The following CLASP1 variants were observed in gnomAD, a reference collection of about 807,000 sequenced individuals.
CLASP1 encodes the protein CLIP-associating protein 1.
In CLASP1, 38 loss-of-function variants were observed where a neutral mutation model predicts 192.3. That is an observed-to-expected ratio of 0.20 (90% CI 0.15 to 0.26). The LOEUF (loss-of-function observed/expected upper bound fraction) is 0.26. Ranked by LOEUF, CLASP1 falls within the 10% of genes least tolerant of loss-of-function variation. CLASP1 has a pLI of 1.00. For synonymous variants in CLASP1, 691 were observed against 712.8 expected, an observed-to-expected ratio of 0.97 and a Z score of 0.49; for missense variants, 1,433 against 1,932.5, an observed-to-expected ratio of 0.74 and a Z score of 4.85.
At chr2:121,410,626 C>T (rs936637180) in intron 24 of CLASP1, among the ~76,000 whole-genome samples, 1 of 152,098 alleles carries the variant, frequency 6.6e-6, no homozygotes, top group African/African-American at 2.4e-5. Flanking sequence ...CTGAAGAGCA[C>T]AGATAAGAAA....
At chr2:121,404,245 A>C (rs2149476011) in intron 26 of CLASP1, 126 bp downstream of exon 27, 1 of 1,453,778 alleles carries the variant, frequency 6.9e-7, no homozygotes, top group South Asian at 1.5e-5. Context: ...TAGTGCTGAA[A>C]CCGGTGTGAC....
Position 121,528,009 on chromosome 2 carries a change from C to T in CLASP1, c.379-119G>A, listed in dbSNP as rs2094621095. 8 of 670,396 alleles carry T rather than the reference C, an allele frequency of 1.2e-5. No homozygotes were observed. In the East Asian group the frequency reaches 1.9e-4, roughly 16 times the overall value. The allele number at this position is 670,396 out of a possible 1,614,324, so 41.5% of individuals were successfully genotyped here. ...CCAAATTAGTCCCATCCTCTACCAA[C>T]ACATTTAATCCTCTCGAGAGCATAC... On this transcript the variant is annotated intron_variant, in intron 4 of 39. Coordinates refer to ENST00000263710, the Ensembl canonical transcript of CLASP1.
At chr2:121,565,814 A>G (rs937784707) in intron 2 of CLASP1, among the ~76,000 whole-genome samples, 9 of 152,216 alleles carry the variant, frequency 5.9e-5, no homozygotes, top group Non-Finnish European at 1.0e-4. Flanking sequence ...CAGAACACAC[A>G]TTAAGAGCAG....
intron 6 of CLASP1, among the ~76,000 whole-genome samples, chr2:121,519,263 A>C (rs1196693815): frequency 1.3e-5 from 2 of 152,202 alleles, no homozygotes; most frequent in Non-Finnish European, 2.9e-5. Flanking sequence ...CATTCAACAA[A>C]TATTTGAGTG....
chr2:121,609,200 G>C (rs924987389), intron 1 of CLASP1, among the ~76,000 whole-genome samples: 1 of 152,140 alleles, frequency 6.6e-6, no homozygotes, highest in African/African-American at 2.4e-5. Context: ...TAAACACTAG[G>C]AAAGTTCCCA....
In CLASP1 at chr2:121,594,299, C is replaced by CAAA. The variant is rs370618050; in HGVS notation, c.195+11399_195+11401dup. 9.2e-4 allele frequency among the ~76,000 whole-genome samples: 122 copies of CAAA among 132,866 alleles called. 1 individual carries two copies. Among genetic ancestry groups the CAAA allele is most frequent in the African/African-American group, 2.9e-3 (107 of 37,226 alleles). The allele number at this position is 132,866 out of a possible 152,430, so 87.2% of individuals were successfully genotyped here. A position where few individuals can be genotyped will look rare whatever the true frequency, so the allele number is the denominator to read the frequency against. On this transcript the variant is annotated intron_variant, in intron 2 of 39. Coordinates refer to ENST00000263710, the Ensembl canonical transcript of CLASP1. The stretch of plus-strand genomic sequence containing the variant: ...TGGGCGACAGAGGGAGACTCCGTCT[C>CAAA]AAAAAAAAAAAAATTTTCTTGTTGC...
At chr2:121,427,989 T>C (rs1011875555) in intron 20 of CLASP1, among the ~76,000 whole-genome samples, 7 of 152,222 alleles carry the variant, frequency 4.6e-5, no homozygotes, top group African/African-American at 1.7e-4. Flanking sequence ...TAAAATAATT[T>C]TTTAAATATT....
intron 9 of CLASP1, among the ~76,000 whole-genome samples, chr2:121,466,090 G>A (rs190077414): frequency 7.2e-5 from 11 of 152,076 alleles, no homozygotes; most frequent in African/African-American, 2.4e-4. Flanking sequence ...TTTGTGCAAC[G>A]GATAATTACC....
At chr2:121,534,246 G>A (rs533336092) in intron 2 of CLASP1, among the ~76,000 whole-genome samples, 2 of 152,206 alleles carry the variant, frequency 1.3e-5, no homozygotes, top group Non-Finnish European at 2.9e-5. Context: ...GCCCTCCAAA[G>A]TTGGTGACCT....
chr2:121,432,236 C>A (rs2149662294), intron 19 of CLASP1, among the ~76,000 whole-genome samples: 1 of 152,320 alleles, frequency 6.6e-6, no homozygotes, highest in East Asian at 1.9e-4. Context: ...CTTGCCTCAG[C>A]CTCCCCAGTA....
intron 2 of CLASP1, among the ~76,000 whole-genome samples, chr2:121,598,797 A>C (rs1295533315): frequency 6.6e-6 from 1 of 152,224 alleles, no homozygotes; most frequent in Non-Finnish European, 1.5e-5. Context: ...CCACATATAC[A>C]TCTGTCTGTA....
chr2:121,569,571 G>A lies in CLASP1; in HGVS notation c.195+36130C>T, dbSNP rs556801849. ...TTTATGATGTTAAAAGATTTCTTAC[G>A]GCCGGACGTGGTGGCTCACACCTGT... On this transcript the variant is annotated intron_variant, in intron 2 of 39. Transcript: ENST00000263710. 2.7e-5 allele frequency among the ~76,000 whole-genome samples: 4 copies of A among 150,568 alleles called. No homozygotes were observed. The South Asian group carries it at 6.2e-4, about 23-fold the overall frequency.
chr2:121,577,576 T>G (rs897212992), intron 2 of CLASP1, among the ~76,000 whole-genome samples: 6 of 152,150 alleles, frequency 3.9e-5, no homozygotes, highest in Non-Finnish European at 7.4e-5. Flanking sequence ...GGTAATGTAT[T>G]AGGCAAGTTA....
rs1394234660 is a variant in CLASP1 at position 121,459,508 on chromosome 2, T to G, written c.1178+472A>C. Reference sequence around the variant, plus strand: ...TGCCTCCTCCTGCTGCTGCTGCTGCTTTGATATTCCGACATACATTCTAAC... The same window carrying G: ...TGCCTCCTCCTGCTGCTGCTGCTGCGTTGATATTCCGACATACATTCTAAC... On this transcript the variant is annotated intron_variant, in intron 12 of 39. Coordinates refer to ENST00000263710, the Ensembl canonical transcript of CLASP1. 3 of 153,596 alleles carry G rather than the reference T, an allele frequency of 2.0e-5. No individual in the cohort carries two copies. In the Admixed American group the frequency reaches 2.0e-4, roughly 10 times the overall value. The allele number at this position is 153,596 out of a possible 1,614,324, so 9.5% of individuals were successfully genotyped here.
intron 8 of CLASP1, among the ~76,000 whole-genome samples, chr2:121,500,397 A>AAAGAAAGG (rs1270963277): frequency 7.6e-6 from 1 of 132,130 alleles, no homozygotes; most frequent in South Asian, 2.6e-4. Flanking sequence ...AGAAAGAAAG[A>AAAGAAAGG]AAAGAAAGAA....
At chr2:121,626,586 T>TTTTTG (rs1338802577) in intron 1 of CLASP1, among the ~76,000 whole-genome samples, 1 of 152,124 alleles carries the variant, frequency 6.6e-6, no homozygotes, top group Non-Finnish European at 1.5e-5. Flanking sequence ...GATTCCTTTT[T>TTTTTG]TTTTGTTTTG....
chr2:121,623,878 T>C (rs1282529423), intron 1 of CLASP1, among the ~76,000 whole-genome samples: 1 of 152,196 alleles, frequency 6.6e-6, no homozygotes, highest in Non-Finnish European at 1.5e-5. Context: ...CTATTTCTTT[T>C]TGAGTTAATT....
chr2:121,478,836 A>C (rs1406678270), intron 8 of CLASP1, among the ~76,000 whole-genome samples: 7 of 54,712 alleles, frequency 1.3e-4, no homozygotes, highest in East Asian at 6.0e-4. Flanking sequence ...CACACCACAC[A>C]CCACACACAC....
intron 34 of CLASP1, among the ~76,000 whole-genome samples, chr2:121,371,280 GA>G (rs1227483202): frequency 6.6e-6 from 1 of 151,848 alleles, no homozygotes; most frequent in African/African-American, 2.4e-5. Flanking sequence ...ACCCAAGCTG[GA>G]GTGCAGTGGC....
Sources: gnomAD v4.1 joint callset for allele counts (sites outside exome capture counted in the v4.1 genomes callset) on GRCh38, gnomAD v4.1.1 for gene constraint, MANE v1.5 for transcripts, NCBI Gene and HGNC (gene_info 2026-07-23, HGNC 2026-07-21) for gene names.